EIF4ENIF1: variants seen among roughly 807,000 people sequenced by gnomAD.
EIF4ENIF1 encodes the protein eukaryotic translation initiation factor 4E transporter.
A neutral mutation model predicts 110.5 loss-of-function variants in EIF4ENIF1; 23 were observed. The ratio of observed to expected loss-of-function variants is 0.21; its 90% CI spans 0.15 to 0.29. The LOEUF is 0.29. Among genes scored for constraint, EIF4ENIF1 ranks in the 10% least tolerant of loss-of-function variants. The probability of loss-of-function intolerance (pLI) is 1.00; values close to 1 mark genes in which losing one functional copy is unlikely to be tolerated. For missense variants in EIF4ENIF1, 1,031 were observed against 1,221.1 expected (o/e 0.84, Z 2.32); for synonymous variants, 440 against 437.0 (o/e 1.01, Z -0.09).
At chr22:31,491,645 C>T (rs1038986592), upstream of EIF4ENIF1, among the ~76,000 whole-genome samples, 4 of 152,198 alleles carry the variant, frequency 2.6e-5, no homozygotes, top group Non-Finnish European at 4.4e-5. Flanking sequence ...TCATAGCTCA[C>T]TGCTCCAGCC....
rs573695660 is a variant in EIF4ENIF1 at position 31,483,866 on chromosome 22, T to G, written c.96+4757A>C. On this transcript the variant is annotated intron_variant, in intron 2 of 18. Coordinates refer to ENST00000330125, the MANE Select transcript of EIF4ENIF1 (RefSeq NM_019843.4). ...ATGTGGCCTAGAAAACAGACCAGCA[T>G]TTATAACTTAGGGGTTCAAGACCCT... Among the ~76,000 whole-genome samples the G allele has an allele frequency of 2.0e-5, 3 of 152,304 alleles. No individual in the cohort carries two copies. The South Asian group carries it at 6.2e-4, about 32-fold the overall frequency.
intron 5 of EIF4ENIF1, 60 bp downstream of exon 5, chr22:31,463,620 TG>T: frequency 6.9e-7 from 1 of 1,445,356 alleles, no homozygotes. Context: ...CACTCCAGCC[TG>T]GGCAACAAGA....
chr22:31,451,665 T>C lies in EIF4ENIF1; in HGVS notation c.1513-1305A>G, dbSNP rs576265177. On this transcript the variant is annotated intron_variant, in intron 10 of 18. Transcript: ENST00000330125. Reference sequence around the variant, plus strand: ...CCACTCTTAAAGCAGTAGTGGTTACTTTTTTTTTTTTTTTTGGGACAGGTC... The same window carrying C: ...CCACTCTTAAAGCAGTAGTGGTTACCTTTTTTTTTTTTTTTGGGACAGGTC... Among the ~76,000 whole-genome samples, 414 of 136,834 alleles carry C rather than the reference T, an allele frequency of 3.0e-3. 1 individual carries two copies. Among genetic ancestry groups the C allele is most frequent in the Non-Finnish European group, 4.3e-3 (275 of 63,470 alleles). 89.8% of individuals were successfully genotyped at this position (136,834 alleles called of 152,430 possible).
chr22:31,469,064 A>T (rs1367831777), intron 3 of EIF4ENIF1, among the ~76,000 whole-genome samples: 1 of 152,222 alleles, frequency 6.6e-6, no homozygotes, highest in Non-Finnish European at 1.5e-5. Flanking sequence ...TTTTTCCACA[A>T]GCAGGGCAAA....
At chr22:31,471,040 G>T (rs1352417231) in intron 3 of EIF4ENIF1, among the ~76,000 whole-genome samples, 1 of 151,326 alleles carries the variant, frequency 6.6e-6, no homozygotes, top group Non-Finnish European at 1.5e-5. Context: ...GAAAAGAAAT[G>T]ACTAAGGTGG....
intron 4 of EIF4ENIF1, chr22:31,464,188 T>TA (rs2051095221): frequency 2.0e-6 from 1 of 508,766 alleles, no homozygotes; most frequent in Non-Finnish European, 3.4e-6. Context: ...TACGTCACGA[T>TA]AAATAATTTT....
chr22:31,475,767 C>T (rs2051548970), intron 2 of EIF4ENIF1, among the ~76,000 whole-genome samples: 1 of 150,716 alleles, frequency 6.6e-6, no homozygotes, highest in Admixed American at 6.6e-5. Flanking sequence ...CCCCGCTACT[C>T]AGGAGGCTGC....
chr22:31,440,531 C>G (rs2050259123), intron 18 of EIF4ENIF1, among the ~76,000 whole-genome samples, 173 bp downstream of exon 18: 1 of 152,208 alleles, frequency 6.6e-6, no homozygotes, highest in Non-Finnish European at 1.5e-5. Flanking sequence ...ACAGTAATCC[C>G]AAATTGCATA....
intron 4 of EIF4ENIF1, among the ~76,000 whole-genome samples, chr22:31,465,323 C>CA (rs544872114): frequency 0.11 from 6,638 of 60,280 alleles, 329 homozygotes; most frequent in African/African-American, 0.23. Flanking sequence ...GACTCTGTCT[C>CA]AAAAAAAAAA....
At chr22:31,487,841 G>A (rs951323261) in intron 2 of EIF4ENIF1, among the ~76,000 whole-genome samples, 1 of 151,324 alleles carries the variant, frequency 6.6e-6, no homozygotes, top group Non-Finnish European at 1.5e-5. Flanking sequence ...GAAATATATG[G>A]ATGTGTGCCC....
At chr22:31,456,920 A>T (rs1394726663) in intron 7 of EIF4ENIF1, among the ~76,000 whole-genome samples, 2 of 152,250 alleles carry the variant, frequency 1.3e-5, no homozygotes, top group Non-Finnish European at 2.9e-5. Context: ...CTCAGAGAAC[A>T]GTGTCAATGC....
intron 2 of EIF4ENIF1, among the ~76,000 whole-genome samples, chr22:31,472,272 T>A (rs75895561): frequency 6.8e-6 from 1 of 147,088 alleles, no homozygotes; most frequent in Non-Finnish European, 1.5e-5. Flanking sequence ...ACAAGGGGAT[T>A]TTTTTTTTTT....
intron 2 of EIF4ENIF1, among the ~76,000 whole-genome samples, chr22:31,478,165 C>A (rs2051661077): frequency 6.6e-6 from 1 of 152,120 alleles, no homozygotes; most frequent in Non-Finnish European, 1.5e-5. Context: ...AAGGTGGTAT[C>A]CCAGCACAAG....
intron 16 of EIF4ENIF1, among the ~76,000 whole-genome samples, chr22:31,442,532 C>T (rs5753618): frequency 0.2 from 30,798 of 152,122 alleles, 3,705 homozygotes; most frequent in East Asian, 0.46. Flanking sequence ...CATGTTACCA[C>T]GTCCTTCACA....
chr22:31,456,740 G>A (rs758109380), intron 7 of EIF4ENIF1, among the ~76,000 whole-genome samples: 24 of 150,458 alleles, frequency 1.6e-4, no homozygotes, highest in Non-Finnish European at 2.8e-4. Flanking sequence ...GGCTTGTCTC[G>A]AACTTCTGAC....
chr22:31,446,412 G>C (rs1477260068), intron 14 of EIF4ENIF1, among the ~76,000 whole-genome samples: 1 of 152,090 alleles, frequency 6.6e-6, no homozygotes, highest in African/African-American at 2.4e-5. Flanking sequence ...GGAGCTCTCT[G>C]TTTCGGTGGA....
intron 4 of EIF4ENIF1, among the ~76,000 whole-genome samples, chr22:31,466,642 T>TGGCG (rs2051199838): frequency 1.8e-5 from 1 of 55,568 alleles, no homozygotes; most frequent in African/African-American, 6.4e-5. Flanking sequence ...GGAAGTGTTG[T>TGGCG]GGGGGGGGCA....
chr22:31,467,192 A>G (rs1569091457), intron 4 of EIF4ENIF1, among the ~76,000 whole-genome samples: 1 of 152,330 alleles, frequency 6.6e-6, no homozygotes. Flanking sequence ...AAGTCTCTGC[A>G]TATCTTTAAT....
intron 17 of EIF4ENIF1, among the ~76,000 whole-genome samples, chr22:31,441,334 T>G (rs1232567215): frequency 6.6e-6 from 1 of 151,954 alleles, no homozygotes; most frequent in Admixed American, 6.6e-5. Context: ...ACTTAGGAGT[T>G]TGAGACCAGC....
Sources: allele counts gnomAD v4.1 joint callset (sites outside exome capture counted in the v4.1 genomes callset), GRCh38; gene constraint gnomAD v4.1.1; transcripts MANE v1.5; gene names NCBI Gene and HGNC (gene_info 2026-07-23, HGNC 2026-07-21).